CAMTA1: variants seen among roughly 807,000 people sequenced by gnomAD.
CAMTA1 encodes the protein calmodulin-binding transcription activator 1.
A neutral mutation model predicts 170.9 loss-of-function variants in CAMTA1; 27 were observed. That is an observed-to-expected ratio of 0.16 (90% CI 0.12 to 0.22). The LOEUF (loss-of-function observed/expected upper bound fraction) is 0.22, where lower values mean the gene tolerates loss of function less well. Ranked by LOEUF, CAMTA1 falls within the 10% of genes least tolerant of loss-of-function variation. The pLI, the probability that CAMTA1 is intolerant of heterozygous loss-of-function variation, is 1.00. For synonymous variants in CAMTA1, 833 were observed against 891.5 expected, an observed-to-expected ratio of 0.93 and a Z score of 1.17; for missense variants, 1,619 against 2,217.2, an observed-to-expected ratio of 0.73 and a Z score of 5.42.
chr1:6,817,804 A>G (rs1646010707), intron 1 of CAMTA1, among the ~76,000 whole-genome samples: 1 of 152,154 alleles, frequency 6.6e-6, no homozygotes, highest in South Asian at 2.1e-4. Context: ...AGCTCAGTAT[A>G]CTACTATTGG....
chr1:7,383,974 C>G (rs1413409209), intron 5 of CAMTA1, among the ~76,000 whole-genome samples: 2 of 152,104 alleles, frequency 1.3e-5, no homozygotes, highest in African/African-American at 4.8e-5. Context: ...GACCACAGAG[C>G]CCCATACATG....
At chr1:6,943,950 C>G (rs1323814236) in intron 3 of CAMTA1, among the ~76,000 whole-genome samples, 1 of 151,656 alleles carries the variant, frequency 6.6e-6, no homozygotes, top group Non-Finnish European at 1.5e-5. Flanking sequence ...ATTGTGGTAC[C>G]ATCACCATCT....
chr1:7,707,059 G>C (rs1002874947), intron 11 of CAMTA1, among the ~76,000 whole-genome samples: 3 of 151,684 alleles, frequency 2.0e-5, no homozygotes, highest in African/African-American at 7.3e-5. Context: ...GCTCATTTTT[G>C]TATTTTGGTG....
At chr1:7,128,967 G>A (rs1168932031) in intron 4 of CAMTA1, among the ~76,000 whole-genome samples, 2 of 151,088 alleles carry the variant, frequency 1.3e-5, no homozygotes, top group African/African-American at 4.9e-5. Flanking sequence ...AGCCTCCCGA[G>A]TAGCTGGGAT....
chr1:7,408,075 G>A (rs2090430570), intron 5 of CAMTA1, among the ~76,000 whole-genome samples: 1 of 152,184 alleles, frequency 6.6e-6, no homozygotes, highest in Non-Finnish European at 1.5e-5. Flanking sequence ...GGTCGTGGGT[G>A]CTCTCTGTCC....
intron 5 of CAMTA1, among the ~76,000 whole-genome samples, chr1:7,326,543 AG>A (rs2082690255): frequency 6.6e-6 from 1 of 152,260 alleles, no homozygotes; most frequent in African/African-American, 2.4e-5. Context: ...TTAAAGGAAG[AG>A]GGAAATTTGG....
At position 7,144,004 on chromosome 1, in the gene CAMTA1, TA is replaced by T. The variant is rs1298998974; in HGVS notation, c.302+52634del. Among the ~76,000 whole-genome samples, 1 of 152,240 alleles carries T rather than the reference TA, an allele frequency of 6.6e-6. No homozygotes were observed. The highest frequency in any genetic ancestry group is 1.5e-5 in the Non-Finnish European group (1 of 68,042). ...ATTTTTACTTCTCTGTTGTTTGAGA[TA>T]CACCACTTTTTGAATCTAGGTATGC... On this transcript the variant is annotated intron_variant, in intron 4 of 22. Coordinates refer to ENST00000303635, the MANE Select transcript of CAMTA1 (RefSeq NM_015215.4). This position sits in a 1 kb window ranked among gnomAD's most constrained non-coding sequence, Gnocchi z 4.0.
rs538269997 is a variant in CAMTA1, at chr1:7,133,265, G to A, written c.302+41894G>A. Among the ~76,000 whole-genome samples, 4 of 152,240 alleles carry A rather than the reference G, an allele frequency of 2.6e-5. No homozygotes were observed. The South Asian group carries it at 8.3e-4, about 32-fold the overall frequency. ...TTTAACTGTACATTTAATTTTAATA[G>A]GTAAAGGTCTATTTAGGCTATCTAA... On this transcript the variant is annotated intron_variant, in intron 4 of 22. Coordinates refer to ENST00000303635, the MANE Select transcript of CAMTA1 (RefSeq NM_015215.4).
intron 3 of CAMTA1, among the ~76,000 whole-genome samples, chr1:6,943,846 C>CAAAA (rs1198830005): frequency 4.1e-3 from 207 of 50,134 alleles, no homozygotes; most frequent in Non-Finnish European, 5.4e-3. Flanking sequence ...GACTCTGTCT[C>CAAAA]AAAAAAAAAA....
intron 4 of CAMTA1, among the ~76,000 whole-genome samples, chr1:7,148,446 G>A (rs558349857): frequency 3.6e-5 from 5 of 140,560 alleles, no homozygotes; most frequent in South Asian, 2.7e-4. Context: ...CACGCTCCCC[G>A]CCATGCTCCT....
At chr1:7,441,879 G>T (rs1413604537) in intron 5 of CAMTA1, among the ~76,000 whole-genome samples, 1 of 152,156 alleles carries the variant, frequency 6.6e-6, no homozygotes, top group East Asian at 1.9e-4. Context: ...GACCAACGTG[G>T]GTTCTGCCTC....
chr1:6,794,890 G>T (rs11122149), intron 1 of CAMTA1, among the ~76,000 whole-genome samples: 20,819 of 146,018 alleles, frequency 0.14, 1,538 homozygotes, highest in East Asian at 0.27. Flanking sequence ...CTTTTTTTTT[G>T]TTTTTTTTGT....
At chr1:7,466,263 G>A (rs1181467725) in intron 5 of CAMTA1, among the ~76,000 whole-genome samples, 1 of 152,164 alleles carries the variant, frequency 6.6e-6, no homozygotes, top group East Asian at 1.9e-4. Flanking sequence ...AAAGAATATT[G>A]CTTTCTTAAT....
At chr1:6,868,303 T>C (rs1667302618) in intron 3 of CAMTA1, among the ~76,000 whole-genome samples, 1 of 117,518 alleles carries the variant, frequency 8.5e-6, no homozygotes, top group Non-Finnish European at 1.8e-5. Flanking sequence ...AGCGAGACTC[T>C]TTTTTTTTTT....
chr1:6,837,514 C>T (rs540475825), intron 3 of CAMTA1, among the ~76,000 whole-genome samples: 1 of 152,212 alleles, frequency 6.6e-6, no homozygotes, highest in Admixed American at 6.5e-5. Context: ...GGGAAGATGC[C>T]ATCTGCTTCC....
chr1:7,394,872 C>CTTTTTTT (rs71582098), intron 5 of CAMTA1, among the ~76,000 whole-genome samples: 2 of 82,636 alleles, frequency 2.4e-5, no homozygotes, highest in Admixed American at 1.1e-4. Context: ...TGTGGTGTTT[C>CTTTTTTT]TTTTTTTTTC....
At chr1:7,137,205 A>G (rs1200987981) in intron 4 of CAMTA1, among the ~76,000 whole-genome samples, 1 of 152,122 alleles carries the variant, frequency 6.6e-6, no homozygotes. Flanking sequence ...TCCACCTTCA[A>G]AATAGATACA....
chr1:7,370,914 C>CTTTT lies in CAMTA1; in HGVS notation c.439-96904_439-96901dup, dbSNP rs61387662. Among the ~76,000 whole-genome samples the CTTTT allele has an allele frequency of 1.1e-4, 12 of 109,984 alleles. 2 individuals carry two copies. Among genetic ancestry groups the CTTTT allele is most frequent in the African/African-American group, 2.5e-4 (7 of 28,384 alleles). 72.2% of individuals were successfully genotyped at this position (109,984 alleles called of 152,430 possible). A position where few individuals can be genotyped will look rare whatever the true frequency, so the allele number is the denominator to read the frequency against. On this transcript the variant is annotated intron_variant, in intron 5 of 22. Transcript: ENST00000303635. ...TATGGCACTTTCTTTTTCTTTCTTT[C>CTTTT]TTTTTTTTTTTTTTTGAGACGGAGT...
chr1:7,548,953 T>G (rs142281892), intron 6 of CAMTA1, among the ~76,000 whole-genome samples: 1,624 of 137,708 alleles, frequency 0.012, 30 homozygotes, highest in African/African-American at 0.042. Context: ...GGTGTCCCCT[T>G]AGGGGTGGAG....
Sources: allele counts gnomAD v4.1 joint callset (sites outside exome capture counted in the v4.1 genomes callset), GRCh38; gene constraint gnomAD v4.1.1; non-coding constraint Gnocchi (gnomAD v3.1); transcripts MANE v1.5; gene names NCBI Gene and HGNC (gene_info 2026-07-23, HGNC 2026-07-21).